Variants in ERCC6 observed in about 807,000 individuals in gnomAD.
The protein encoded by ERCC6 is DNA excision repair protein ERCC-6.
In ERCC6, 116 loss-of-function variants were observed where a neutral mutation model predicts 158.7. The observed-to-expected ratio is 0.73, with a 90% CI of 0.63 to 0.85. The LOEUF (loss-of-function observed/expected upper bound fraction) is 0.85, where lower values mean the gene tolerates loss of function less well. Among genes scored for constraint, ERCC6 ranks in the 40% least tolerant of loss-of-function variants. The probability of loss-of-function intolerance (pLI) is 0.00; values close to 1 mark genes in which losing one functional copy is unlikely to be tolerated. For missense variants in ERCC6, 1,698 were observed against 1,799.4 expected (o/e 0.94, Z 1.02); for synonymous variants, 678 against 659.3 (o/e 1.03, Z -0.43).
At chr10:49,492,215 G>A (rs4253140) in intron 8 of ERCC6, among the ~76,000 whole-genome samples, 1 of 151,978 alleles carries the variant, frequency 6.6e-6, no homozygotes, top group African/African-American at 2.4e-5. Flanking sequence ...CTGGAGTTTC[G>A]TGGTCCCCGT....
Position 49,509,402 on chromosome 10 carries a change from ACT to A in ERCC6, c.1398-3392_1398-3391del, listed in dbSNP as rs574294118. On this transcript the variant is annotated intron_variant, in intron 5 of 20. Coordinates refer to ENST00000355832, the MANE Select transcript of ERCC6 (RefSeq NM_000124.4). ...CAATGCAATGTGCATATTGCAACGT[ACT>A]CTGTTTAACAGAACTACCTGAACAT... Among the ~76,000 whole-genome samples the A allele has an allele frequency of 2.0e-3, 309 of 152,290 alleles. 1 individual carries two copies. Among genetic ancestry groups the A allele is most frequent in the African/African-American group, 7.0e-3 (290 of 41,568 alleles).
At position 49,524,625 on chromosome 10, in the gene ERCC6, A is replaced by T. The variant is rs759238503; in HGVS notation, c.805T>A (p.Ser269Thr). The change falls in exon 5 of 21, where the codon TCA becomes ACA. Residue 269 changes from serine to threonine, a missense_variant. Physicochemically the swap from Ser to Thr is moderately conservative, Grantham distance 58. Transcript: ENST00000355832. ...KPRKIMLNEA[S>T]GFEKYLADQA... The stretch of plus-strand genomic sequence containing the variant: ...TCTGCCAAATACTTTTCGAAGCCTG[A>T]TGCTTCATTAAGCATGATTTTTCTG... The T allele has an allele frequency of 3.1e-6, 5 of 1,614,182 alleles. No individual in the cohort carries two copies. The Admixed American group carries it at 8.3e-5, about 27-fold the overall frequency.
At chr10:49,507,120 G>C (rs1352919176) in intron 5 of ERCC6, among the ~76,000 whole-genome samples, 2 of 152,138 alleles carry the variant, frequency 1.3e-5, no homozygotes, top group Non-Finnish European at 2.9e-5. Context: ...GTGTTGTCCA[G>C]TATCCATTAC....
chr10:49,510,561 C>T (rs529187280), intron 5 of ERCC6, among the ~76,000 whole-genome samples: 1 of 152,302 alleles, frequency 6.6e-6, no homozygotes, highest in East Asian at 1.9e-4. Context: ...CACCTGGGAT[C>T]TCTACTACAG....
At chr10:49,504,462 A>G (rs1391622316) in intron 6 of ERCC6, 2 of 152,188 alleles carry the variant, frequency 1.3e-5, no homozygotes, top group Non-Finnish European at 1.5e-5. Context: ...TCTTTGCTAG[A>G]AAATCTGACA....
intron 2 of ERCC6, 57 bp from the exon 3 acceptor site, chr10:49,530,897 T>C (rs2132635921): frequency 6.3e-7 from 1 of 1,597,140 alleles, no homozygotes; most frequent in South Asian, 1.1e-5. Context: ...TATAGCATAA[T>C]ATAAAGAGAA....
At chr10:49,518,559 C>T (rs1268200544) in intron 5 of ERCC6, among the ~76,000 whole-genome samples, 2 of 152,156 alleles carry the variant, frequency 1.3e-5, no homozygotes, top group Non-Finnish European at 1.5e-5. Flanking sequence ...TGCACCACTC[C>T]CGCCCCTGCC....
chr10:49,439,583 G>A, the ERCC6 span, among the ~76,000 whole-genome samples: 4 of 152,228 alleles, frequency 2.6e-5, no homozygotes, highest in Non-Finnish European at 5.9e-5. Flanking sequence ...CTTGGGGACT[G>A]ACATTTGGCT....
intron 5 of ERCC6, among the ~76,000 whole-genome samples, chr10:49,523,123 G>GA (rs1438133785): frequency 6.6e-6 from 1 of 152,088 alleles, no homozygotes; most frequent in Non-Finnish European, 1.5e-5. Context: ...TGAGAAATAA[G>GA]AAAAAACTGT....
At chr10:49,498,501 G>C (rs552203142) in intron 7 of ERCC6, among the ~76,000 whole-genome samples, 3 of 152,146 alleles carry the variant, frequency 2.0e-5, no homozygotes, top group Non-Finnish European at 4.4e-5. Flanking sequence ...TATGAGCGGG[G>C]GGGACCACAC....
At chr10:49,504,264 T>A (rs572762322) in intron 6 of ERCC6, 2 of 152,130 alleles carry the variant, frequency 1.3e-5, no homozygotes, top group Non-Finnish European at 2.9e-5. Flanking sequence ...AGAAGTTTTA[T>A]GACATAAAAT....
rs1837613550 is a variant in ERCC6, at chr10:49,537,022, T to C, written c.-15+1940A>G. Among the ~76,000 whole-genome samples, 3 of 152,150 alleles carry C rather than the reference T, an allele frequency of 2.0e-5. No homozygotes were observed. The South Asian group carries it at 6.2e-4, about 32-fold the overall frequency. On this transcript the variant is annotated intron_variant, in intron 1 of 20. Transcript: ENST00000355832. ...TGAGAGTTGGAAACCAGAAGGCTCT[T>C]ATCAGGTTAAAGAATTTCAGAAGTG...
At chr10:49,499,259 C>A (rs1251286884) in intron 7 of ERCC6, among the ~76,000 whole-genome samples, 1 of 152,174 alleles carries the variant, frequency 6.6e-6, no homozygotes, top group East Asian at 1.9e-4. Flanking sequence ...CTTCCCCTTC[C>A]TACATCTATA....
chr10:49,470,150 C>A (rs749990266), intron 18 of ERCC6, 32 bp downstream of exon 18: 2 of 1,594,826 alleles, frequency 1.3e-6, no homozygotes. Context: ...CTAATCCTAG[C>A]ATCCCTGTGG....
At chr10:49,452,784 C>T (rs1414185615), downstream of ERCC6, among the ~76,000 whole-genome samples, 1 of 152,044 alleles carries the variant, frequency 6.6e-6, no homozygotes, top group Non-Finnish European at 1.5e-5. Flanking sequence ...ACTGTTATAT[C>T]TTTTTGATGG....
At chr10:49,471,161 G>A in intron 16 of ERCC6, 41 bp from the exon 17 acceptor site, 1 of 1,601,578 alleles carries the variant, frequency 6.2e-7, no homozygotes, top group South Asian at 1.1e-5. Context: ...ACAATGTGTA[G>A]CTCTACCTAA....
At chr10:49,498,028 C>T (rs866802115) in intron 7 of ERCC6, among the ~76,000 whole-genome samples, 1 of 152,052 alleles carries the variant, frequency 6.6e-6, no homozygotes, top group African/African-American at 2.4e-5. Context: ...GATTGAGGGG[C>T]CTATCATTAT....
chr10:49,470,368 T>C lies in ERCC6; in HGVS notation c.3592A>G (p.Lys1198Glu), dbSNP rs1056502336. The C allele has an allele frequency of 1.9e-6, 3 of 1,614,206 alleles. No homozygotes were observed. The highest frequency in any genetic ancestry group is 2.5e-6 in the Non-Finnish European group (3 of 1,180,012). Residue 1198 changes from lysine (K) to glutamate (E), a missense_variant, in exon 18 of 21, where the codon AAA (lysine) becomes GAA (glutamate). Physicochemically the swap from Lys to Glu is moderately conservative, Grantham distance 56. Coordinates refer to ENST00000355832, the MANE Select transcript of ERCC6 (RefSeq NM_000124.4). ...GGCTTTTGCTTTGGTCTCAGATGTT[T>C]CTCCAGGGTCTCTTCTTCTGCCACA... ...HSVAEEETLE[K>E]HLRPKQKPKN...
chr10:49,500,604 A>G lies in ERCC6; in HGVS notation c.1619T>C (p.Ile540Thr). The G allele has an allele frequency of 6.2e-7, 1 of 1,613,968 alleles. No homozygotes were observed. The highest frequency in any genetic ancestry group is 8.5e-7 in the Non-Finnish European group (1 of 1,179,902). ...ACCTGCCAAGAAGGCAATTATCTGG[A>G]TGGTCTTGCCCAATCCCATTTCATC... ...LGDEMGLGKTIQIIAFLAGLS... is the reference protein window; with the variant it reads ...LGDEMGLGKTTQIIAFLAGLS... Residue 540 changes from isoleucine (I) to threonine (T), a missense_variant, in exon 7 of 21, where the codon ATC (isoleucine) becomes ACC (threonine). Ile to Thr is a moderately conservative substitution (Grantham distance 89, BLOSUM62 -1). Coordinates refer to ENST00000355832, the MANE Select transcript of ERCC6 (RefSeq NM_000124.4).
Sources: allele counts gnomAD v4.1 joint callset (sites outside exome capture counted in the v4.1 genomes callset), GRCh38; gene constraint gnomAD v4.1.1; transcripts MANE v1.5; gene names NCBI Gene and HGNC (gene_info 2026-07-23, HGNC 2026-07-21).